Variants in CACNA2D3 observed in about 807,000 individuals in gnomAD.
CACNA2D3 encodes the protein calcium voltage-gated channel auxiliary subunit alpha2delta 3.
Under a neutral mutation model 160.6 loss-of-function variants are expected in CACNA2D3, and 60 were observed. The ratio of observed to expected loss-of-function variants is 0.37; its 90% CI spans 0.30 to 0.46. The LOEUF (loss-of-function observed/expected upper bound fraction) is 0.46. Ranked by LOEUF, CACNA2D3 falls within the 20% of genes least tolerant of loss-of-function variation. The probability of loss-of-function intolerance (pLI) is 1.00; values close to 1 mark genes in which losing one functional copy is unlikely to be tolerated. For missense variants in CACNA2D3, 1,205 were observed against 1,365.0 expected (o/e 0.88, Z 1.85); for synonymous variants, 558 against 492.9 (o/e 1.13, Z -1.75).
chr3:54,675,453 C>T (rs1700228100), intron 11 of CACNA2D3, among the ~76,000 whole-genome samples: 1 of 152,134 alleles, frequency 6.6e-6, no homozygotes, highest in Admixed American at 6.5e-5. Flanking sequence ...CTGACCTTTT[C>T]TGTTGACAGA....
chr3:54,300,571 C>T (rs927635426), intron 2 of CACNA2D3, among the ~76,000 whole-genome samples: 1 of 152,184 alleles, frequency 6.6e-6, no homozygotes, highest in Non-Finnish European at 1.5e-5. Context: ...CCTTTTCTCC[C>T]TGTTTCCTTC....
rs56055307 is a variant in CACNA2D3 at position 54,984,592 on chromosome 3, T to TG, written c.2557-16_2557-15insG. Reference sequence around the variant, plus strand: ...GAAGCTGTTTTTTTGTTTTTGTTTTTTTTTTAATTTTCTAGACTGTGAATT... The same window carrying TG: ...GAAGCTGTTTTTTTGTTTTTGTTTTTGTTTTTAATTTTCTAGACTGTGAATT... On this transcript the variant is annotated splice_polypyrimidine_tract_variant and intron_variant, in intron 29 of 37. Transcript: ENST00000474759. The TG allele has an allele frequency of 0.18, 267,306 of 1,483,648 alleles. 27,132 individuals carry two copies. Among genetic ancestry groups the TG allele is most frequent in the Admixed American group, 0.35 (16,917 of 48,936 alleles). 91.9% of individuals were successfully genotyped at this position (1,483,648 alleles called of 1,614,324 possible).
intron 8 of CACNA2D3, among the ~76,000 whole-genome samples, chr3:54,576,069 G>A (rs62255464): frequency 0.34 from 51,889 of 152,058 alleles, 9,758 homozygotes; most frequent in Middle Eastern, 0.43. Flanking sequence ...GAGACCCACA[G>A]AAATGAGTCT....
At chr3:54,857,900 G>A (rs1350420037) in intron 17 of CACNA2D3, among the ~76,000 whole-genome samples, 1 of 152,128 alleles carries the variant, frequency 6.6e-6, no homozygotes, top group Non-Finnish European at 1.5e-5. Context: ...TTTGCTTGTA[G>A]AAGTACCAAG....
At chr3:54,178,684 C>G (rs1020051396) in intron 2 of CACNA2D3, among the ~76,000 whole-genome samples, 21 of 152,172 alleles carry the variant, frequency 1.4e-4, no homozygotes, top group African/African-American at 5.1e-4. Flanking sequence ...TGGTCAGATG[C>G]CGACTAATTG....
chr3:54,461,143 A>G (rs1700496406), intron 4 of CACNA2D3, among the ~76,000 whole-genome samples: 1 of 152,110 alleles, frequency 6.6e-6, no homozygotes, highest in African/African-American at 2.4e-5. Context: ...ATCATGGTGG[A>G]TAAGCTTTTT....
At chr3:54,173,525 C>G (rs1700613103) in intron 2 of CACNA2D3, among the ~76,000 whole-genome samples, 1 of 152,218 alleles carries the variant, frequency 6.6e-6, no homozygotes, top group South Asian at 2.1e-4. Context: ...CTTGCTCACT[C>G]TTTCTGCAAG....
rs906397439 is a variant in CACNA2D3 at position 54,609,101 on chromosome 3, C to A, written c.964-18686C>A. 1.6e-4 allele frequency among the ~76,000 whole-genome samples: 25 copies of A among 152,184 alleles called. 1 individual carries two copies. Among genetic ancestry groups the A allele is most frequent in the Non-Finnish European group, 5.9e-5 (4 of 68,024 alleles). Reference sequence around the variant, plus strand: ...TTTGGAGATGGGGCCTTTAAAGAGACAGTTAAGGTTAAATGAGGTCATAAG... The same window carrying A: ...TTTGGAGATGGGGCCTTTAAAGAGAAAGTTAAGGTTAAATGAGGTCATAAG... On this transcript the variant is annotated intron_variant, in intron 9 of 37. Coordinates refer to ENST00000474759, the MANE Select transcript of CACNA2D3 (RefSeq NM_018398.3).
intron 2 of CACNA2D3, among the ~76,000 whole-genome samples, chr3:54,251,248 GAGTCTTCTGCAAGAGATGA>G (rs901075396): frequency 1.3e-5 from 2 of 152,146 alleles, no homozygotes; most frequent in African/African-American, 2.4e-5. Flanking sequence ...GAGCAGTGAA[GAGTCTTCTGCAAGAGATGA>G]AGTCTTCTGC....
chr3:54,585,400 AG>A (rs899584082), intron 9 of CACNA2D3, among the ~76,000 whole-genome samples: 11 of 152,238 alleles, frequency 7.2e-5, no homozygotes, highest in African/African-American at 2.7e-4. Flanking sequence ...AGTAACTCAT[AG>A]GAAGGTAAGA....
intron 2 of CACNA2D3, among the ~76,000 whole-genome samples, chr3:54,227,548 A>G (rs554192356): frequency 8.0e-6 from 1 of 124,304 alleles, no homozygotes; most frequent in African/African-American, 3.1e-5. Flanking sequence ...GCTATTGTCC[A>G]TGGCTTTTTT....
intron 12 of CACNA2D3, among the ~76,000 whole-genome samples, chr3:54,763,767 A>G (rs372578110): frequency 0.031 from 528 of 16,888 alleles, 42 homozygotes; most frequent in East Asian, 0.2. Context: ...ACACATATAT[A>G]TGTATATATG....
chr3:54,728,458 T>A (rs1479158424), intron 11 of CACNA2D3, among the ~76,000 whole-genome samples: 1 of 152,210 alleles, frequency 6.6e-6, no homozygotes, highest in Admixed American at 6.5e-5. Flanking sequence ...TCTGTTTCCT[T>A]CAATATTTTG....
At chr3:54,305,825 A>G (rs1391010584) in intron 2 of CACNA2D3, among the ~76,000 whole-genome samples, 7 of 152,234 alleles carry the variant, frequency 4.6e-5, no homozygotes, top group Admixed American at 4.6e-4. Context: ...TTAACTTACA[A>G]ATGTAGATGA....
intron 27 of CACNA2D3, among the ~76,000 whole-genome samples, chr3:54,916,249 G>T (rs1269194321): frequency 6.6e-6 from 1 of 152,186 alleles, no homozygotes; most frequent in Non-Finnish European, 1.5e-5. Flanking sequence ...GTGAAACTGG[G>T]ACAAGGTATA....
chr3:54,894,417 A>T (rs1366038182), intron 25 of CACNA2D3, among the ~76,000 whole-genome samples: 1 of 152,096 alleles, frequency 6.6e-6, no homozygotes, highest in Non-Finnish European at 1.5e-5. Flanking sequence ...GGACACCCAG[A>T]TGTGCAGCAT....
At chr3:54,671,296 T>C (rs1409362728) in intron 11 of CACNA2D3, among the ~76,000 whole-genome samples, 1 of 151,940 alleles carries the variant, frequency 6.6e-6, no homozygotes, top group East Asian at 1.9e-4. Context: ...CTAGTTGGTC[T>C]GTACTCCTAC....
At chr3:55,029,387 T>C (rs1237533740) in intron 35 of CACNA2D3, among the ~76,000 whole-genome samples, 2 of 152,288 alleles carry the variant, frequency 1.3e-5, no homozygotes, top group South Asian at 2.1e-4. Flanking sequence ...ATGTATTACT[T>C]TCATACTTAG....
At chr3:54,511,800 A>G (rs1701463587) in intron 5 of CACNA2D3, among the ~76,000 whole-genome samples, 1 of 152,148 alleles carries the variant, frequency 6.6e-6, no homozygotes, top group Non-Finnish European at 1.5e-5. Flanking sequence ...AGGGAGCTGG[A>G]GTTTGTAGAT....
Sources: gnomAD v4.1 joint callset for allele counts (sites outside exome capture counted in the v4.1 genomes callset) on GRCh38, gnomAD v4.1.1 for gene constraint, MANE v1.5 for transcripts, NCBI Gene and HGNC (gene_info 2026-07-23, HGNC 2026-07-21) for gene names.